Variants in CMA1 observed in about 807,000 individuals in gnomAD.
CMA1 encodes the protein chymase.
Under a neutral mutation model 18.8 loss-of-function variants are expected in CMA1, and 24 were observed. The ratio of observed to expected loss-of-function variants is 1.28; its 90% CI spans 0.92 to 1.80. CMA1 has a LOEUF of 1.80. CMA1 is among the 40% of genes most tolerant of loss of function. The pLI is 0.00. For missense variants in CMA1, 421 were observed against 302.8 expected (o/e 1.39, Z -2.90); for synonymous variants, 152 against 117.0 (o/e 1.30, Z -1.93).
intron 1 of CMA1, 189 bp downstream of exon 1, chr14:24,507,989 T>C (rs1453394960): frequency 1.7e-6 from 1 of 572,468 alleles, no homozygotes; most frequent in East Asian, 2.9e-5. Context: ...GGGGCTGTCC[T>C]AGGCTGTAGA....
At position 24,508,094 on chromosome 14, in the gene CMA1, T is replaced by C. The variant is rs761578718; in HGVS notation, c.58+84A>G. ...TGAAGAGAGATCTTGGAACCCTGTT[T>C]AGGAGTCAGCTATTTTCAGACTAAA... On this transcript the variant is annotated intron_variant, in intron 1 of 4. Coordinates refer to ENST00000250378, the MANE Select transcript of CMA1 (RefSeq NM_001836.5). 4 of 1,316,924 alleles carry C rather than the reference T, an allele frequency of 3.0e-6. No individual in the cohort carries two copies. In the South Asian group the frequency reaches 3.7e-5, roughly 12 times the overall value. The allele number at this position is 1,316,924 out of a possible 1,614,324, so 81.6% of individuals were successfully genotyped here.
At chr14:24,507,580 G>T in intron 1 of CMA1, 74 bp from the exon 2 acceptor site, 1 of 1,499,456 alleles carries the variant, frequency 6.7e-7, no homozygotes, top group Non-Finnish European at 9.1e-7. Context: ...TTGGGTTAAA[G>T]CTGAGCTAGG....
intron 2 of CMA1, 74 bp from the exon 3 acceptor site, chr14:24,506,678 G>A (rs2043860305): frequency 1.9e-6 from 3 of 1,554,426 alleles, no homozygotes; most frequent in Non-Finnish European, 2.6e-6. Context: ...AGCTCATTCT[G>A]AGAAAAGAGG....
In CMA1 at chr14:24,507,463, G is replaced by A. The variant is rs1381569463; in HGVS notation, c.102C>T (p.Pro34=). 1.2e-6 allele frequency: 2 copies of A among 1,614,066 alleles called. No individual in the cohort carries two copies. Among genetic ancestry groups the A allele is most frequent in the Non-Finnish European group, 1.7e-6 (2 of 1,180,036 alleles). The part of the protein sequence containing the change: ...GGTECKPHSR[P]YMAYLEIVTS... The stretch of plus-strand genomic sequence containing the variant: ...TTACAATTTCCAGGTAGGCCATGTA[G>A]GGGCGGGAATGTGGCTTGCATTCTG... Residue 34 remains proline (P), a synonymous_variant, in exon 2 of 5, where the codon CCC becomes CCT. Coordinates refer to ENST00000250378, the MANE Select transcript of CMA1 (RefSeq NM_001836.5).
chr14:24,507,317 C>A, intron 2 of CMA1, 39 bp downstream of exon 2: 1 of 1,609,740 alleles, frequency 6.2e-7, no homozygotes, highest in South Asian at 1.1e-5. Context: ...TCTGGTTGTT[C>A]ATCTCCCATT....
In CMA1 at chr14:24,507,336, A is replaced by G. The variant is rs755797763; in HGVS notation, c.209+20T>C. The G allele has an allele frequency of 8.1e-6, 13 of 1,614,088 alleles. No individual in the cohort carries two copies. Among genetic ancestry groups the G allele is most frequent in the Non-Finnish European group, 1.0e-5 (12 of 1,179,978 alleles). ...GTTGTTCATCTCCCATTTGGAGATAAATAGACCCTGTTGTCTCACCTTCCT... is the reference window on the plus strand; with the variant it reads ...GTTGTTCATCTCCCATTTGGAGATAGATAGACCCTGTTGTCTCACCTTCCT... On this transcript the variant is annotated intron_variant, in intron 2 of 4. Transcript: ENST00000250378.
In CMA1 at chr14:24,506,567, C is replaced by T. The variant is rs2043858749; in HGVS notation, c.247G>A (p.Glu83Lys). Residue 83 changes from glutamate to lysine, a missense_variant, in exon 3 of 5, where the codon GAG becomes AAG. Glu to Lys is a moderately conservative substitution (Grantham distance 56). Coordinates refer to ENST00000250378, the MANE Select transcript of CMA1 (RefSeq NM_001836.5). Reference protein sequence around the residue: ...TVTLGAHNITEEEDTWQKLEV... With the variant: ...TVTLGAHNITKEEDTWQKLEV... ...AGCTTCTGCCATGTGTCTTCTTCCT[C>T]TGTTATGTTATGGGCTCCAAGGGTG... The T allele has an allele frequency of 1.9e-6, 3 of 1,614,112 alleles. No individual in the cohort carries two copies. The highest frequency in any genetic ancestry group is 1.7e-6 in the Non-Finnish European group (2 of 1,180,014).
chr14:24,507,318 A>G, intron 2 of CMA1, 38 bp downstream of exon 2: 2 of 1,613,442 alleles, frequency 1.2e-6, no homozygotes, highest in South Asian at 2.2e-5. Flanking sequence ...CTGGTTGTTC[A>G]TCTCCCATTT....
chr14:24,508,210 A>T lies in CMA1; in HGVS notation c.26T>A (p.Leu9Gln). Residue 9 changes from leucine (L) to glutamine (Q), a missense_variant, in exon 1 of 5, where the codon CTG (leucine) becomes CAG (glutamine). Physicochemically the swap from Leu to Gln is moderately radical, Grantham distance 113. Coordinates refer to ENST00000250378, the MANE Select transcript of CMA1 (RefSeq NM_001836.5). Reference sequence around the variant, plus strand: ...AGCTCTGGAGCACAAGAGAAAGAGCAGCAGGGGGAGAGGAAGAAGCAGCAT... The same window carrying T: ...AGCTCTGGAGCACAAGAGAAAGAGCTGCAGGGGGAGAGGAAGAAGCAGCAT... The part of the protein sequence containing the change: MLLLPLPL[L>Q]LFLLCSRAEA... 6.2e-7 allele frequency: 1 copy of T among 1,613,946 alleles called. No homozygotes were observed. The highest frequency in any genetic ancestry group is 8.5e-7 in the Non-Finnish European group (1 of 1,179,922).
rs2043842193 is a variant in CMA1 at position 24,505,358 on chromosome 14, C to G, written c.*158G>C. ...ACACACTCACGACTAGAAGCTGTGTCTTCACTGAGGTTTATTGAGAGTTCT... is the reference window on the plus strand; with the variant it reads ...ACACACTCACGACTAGAAGCTGTGTGTTCACTGAGGTTTATTGAGAGTTCT... On this transcript the variant is annotated 3_prime_UTR_variant, in exon 5 of 5. Transcript: ENST00000250378. The G allele has an allele frequency of 1.1e-6, 1 of 871,976 alleles. No homozygotes were observed. Among genetic ancestry groups the G allele is most frequent in the Admixed American group, 2.1e-5 (1 of 46,912 alleles). The allele number at this position is 871,976 out of a possible 1,614,324, so 54.0% of individuals were successfully genotyped here. A position where few individuals can be genotyped will look rare whatever the true frequency, so the allele number is the denominator to read the frequency against.
chr14:24,505,676 G>A lies in CMA1; in HGVS notation c.601-17C>T. The A allele has an allele frequency of 6.3e-7, 1 of 1,589,352 alleles. No homozygotes were observed. Among genetic ancestry groups the A allele is most frequent in the African/African-American group, 1.3e-5 (1 of 74,286 alleles). On this transcript the variant is annotated splice_polypyrimidine_tract_variant and intron_variant, in intron 4 of 4. Transcript: ENST00000250378. ...AGAGTCTCCCTGTAGGGGGAGGAGAGAGAGAAGAAGGTGAGCCCGGGAAGT... is the reference window on the plus strand; with the variant it reads ...AGAGTCTCCCTGTAGGGGGAGGAGAAAGAGAAGAAGGTGAGCCCGGGAAGT...
intron 2 of CMA1, among the ~76,000 whole-genome samples, chr14:24,506,908 C>A (rs1170472596): frequency 6.6e-6 from 1 of 152,142 alleles, no homozygotes; most frequent in African/African-American, 2.4e-5. Flanking sequence ...GAGGGCCAGC[C>A]CCTGAAGCAG....
intron 4 of CMA1, 32 bp downstream of exon 4, chr14:24,505,996 G>C (rs2043850292): frequency 3.1e-6 from 5 of 1,610,204 alleles, no homozygotes; most frequent in Middle Eastern, 1.6e-4. Context: ...TGAACAGTGA[G>C]TTTTGGAGAG....
At chr14:24,508,126 T>C (rs751158427) in intron 1 of CMA1, 52 bp downstream of exon 1, 2 of 1,529,342 alleles carry the variant, frequency 1.3e-6, no homozygotes, top group Non-Finnish European at 1.8e-6. Context: ...TAAACATCTT[T>C]GTTTCAGGAG....
At chr14:24,505,926 C>T (rs1323297442) in intron 4 of CMA1, 102 bp downstream of exon 4, 4 of 1,463,430 alleles carry the variant, frequency 2.7e-6, no homozygotes, top group South Asian at 1.3e-5. Flanking sequence ...CTGTGATGCT[C>T]ACCCTGTCAC....
chr14:24,506,007 G>A, intron 4 of CMA1, 21 bp downstream of exon 4: 1 of 1,612,248 alleles, frequency 6.2e-7, no homozygotes, highest in Non-Finnish European at 8.5e-7. Context: ...TTTTGGAGAG[G>A]AAACCTAGTT....
At position 24,506,605 on chromosome 14, in the gene CMA1, C is replaced by A. The variant is rs747804033; in HGVS notation, c.210-1G>T. The stretch of plus-strand genomic sequence containing the variant: ...GGCTCCAAGGGTGACTGTTATAGAC[C>A]TGTTGTGAGGAAGAAGGAAGGAAAA... On this transcript the variant is annotated splice_acceptor_variant, in intron 2 of 4. Coordinates refer to ENST00000250378, the MANE Select transcript of CMA1 (RefSeq NM_001836.5). LOFTEE classifies it high-confidence loss of function. The A allele has an allele frequency of 6.2e-7, 1 of 1,613,546 alleles. No individual in the cohort carries two copies. The highest frequency in any genetic ancestry group is 1.7e-5 in the Admixed American group (1 of 59,942).
Position 24,506,135 on chromosome 14 carries a change from C to A in CMA1, c.493G>T (p.Val165Leu), listed in dbSNP as rs1202998014. The A allele has an allele frequency of 1.4e-5, 22 of 1,614,092 alleles. No homozygotes were observed. The highest frequency in any genetic ancestry group is 1.8e-5 in the Non-Finnish European group (21 of 1,180,044). ...TGGGGATCCATGAGTCTCAGCTTCA[C>A]CTCTTGCAGAGTGTCTGAGCCCGGC... is the stretch of plus-strand genomic sequence containing the variant. Reference protein sequence around the residue: ...LKPGSDTLQEVKLRLMDPQAC... With the variant: ...LKPGSDTLQELKLRLMDPQAC... Residue 165 changes from valine (V) to leucine (L), a missense_variant, in exon 4 of 5, where the codon GTG becomes TTG. By Grantham distance (32) the Val-to-Leu change is conservative. Coordinates refer to ENST00000250378, the MANE Select transcript of CMA1 (RefSeq NM_001836.5).
chr14:24,506,599 A>G lies in CMA1; in HGVS notation c.215T>C (p.Ile72Thr), dbSNP rs758391344. 4 of 1,613,874 alleles carry G rather than the reference A, an allele frequency of 2.5e-6. No homozygotes were observed. Among genetic ancestry groups the G allele is most frequent in the African/African-American group, 2.7e-5 (2 of 74,894 alleles). ...GTTATGGGCTCCAAGGGTGACTGTT[A>G]TAGACCTGTTGTGAGGAAGAAGGAA... ...LTAAHCAGRS[I>T]TVTLGAHNIT... The change falls in exon 3 of 5, where the codon ATA (isoleucine) becomes ACA (threonine). Residue 72 changes from isoleucine to threonine, a missense_variant. Physicochemically the swap from Ile to Thr is moderately conservative, Grantham distance 89. Coordinates refer to ENST00000250378, the MANE Select transcript of CMA1 (RefSeq NM_001836.5).
Sources: gnomAD v4.1 joint callset for allele counts (sites outside exome capture counted in the v4.1 genomes callset) on GRCh38, gnomAD v4.1.1 for gene constraint, MANE v1.5 for transcripts, NCBI Gene and HGNC (gene_info 2026-07-23, HGNC 2026-07-21) for gene names.